FBLN1: variants seen among roughly 807,000 people sequenced by gnomAD.
The protein encoded by FBLN1 is fibulin 1.
In FBLN1, 34 loss-of-function variants were observed where a neutral mutation model predicts 89.7. The observed-to-expected ratio is 0.38, with a 90% CI of 0.29 to 0.50. The LOEUF is 0.50. Among genes scored for constraint, FBLN1 ranks in the 20% least tolerant of loss-of-function variants. FBLN1 has a pLI of 0.92. For missense variants in FBLN1, 777 were observed against 988.1 expected (o/e 0.79, Z 2.86); for synonymous variants, 393 against 391.3 (o/e 1.00, Z -0.05).
chr22:45,534,021 T>C, intron 7 of FBLN1, 123 bp downstream of exon 7: 2 of 1,347,320 alleles, frequency 1.5e-6, no homozygotes, highest in Admixed American at 1.7e-5. Flanking sequence ...CCTGGGCGAC[T>C]GCCTGCTCAT....
In FBLN1 at chr22:45,600,430, C is replaced by T. The variant is rs781722572; in HGVS notation, c.2096C>T (p.Ser699Phe). ...GTTGTCAACGTCCACATCTTCGTCT[C>T]TGAGTACTGGTTCTGAGGGCTGGTC... ...RNVVNVHIFV[S>F]EYWF Residue 699 changes from serine to phenylalanine, a missense_variant, in exon 17 of 17, where the codon TCT (serine) becomes TTT (phenylalanine). Transcript: ENST00000327858. 44 of 1,614,080 alleles carry T rather than the reference C, an allele frequency of 2.7e-5. No homozygotes were observed. Among genetic ancestry groups the T allele is most frequent in the African/African-American group, 4.0e-5 (3 of 74,918 alleles).
At chr22:45,520,236 A>C (rs1160402304) in intron 2 of FBLN1, among the ~76,000 whole-genome samples, 1 of 152,210 alleles carries the variant, frequency 6.6e-6, no homozygotes, top group Non-Finnish European at 1.5e-5. Flanking sequence ...GACTGTGGCA[A>C]CGTATTGGTT....
At chr22:45,569,639 AAAAAAGAAGAAGAAG>A (rs1273132372) in intron 14 of FBLN1, among the ~76,000 whole-genome samples, 1 of 105,196 alleles carries the variant, frequency 9.5e-6, no homozygotes, top group African/African-American at 3.8e-5. Context: ...ACTCTGTCTC[AAAAAAGAAGAAGAAG>A]AAGAAGAAGA....
In FBLN1 at chr22:45,530,371, TC is replaced by T. The variant is rs2088388835; in HGVS notation, c.485-892del. ...TCTCTCCGTCTTTTATCTGCTTCAGTCCTTGCCCCAGACTATCCTCGCATGC... is the reference window on the plus strand; with the variant it reads ...TCTCTCCGTCTTTTATCTGCTTCAGTCTTGCCCCAGACTATCCTCGCATGC... On this transcript the variant is annotated intron_variant, in intron 4 of 16. Transcript: ENST00000327858. The surrounding 1 kb of genome is among the most constrained non-coding windows in gnomAD (Gnocchi z 5.4). Among the ~76,000 whole-genome samples, 1 of 152,030 alleles carries T rather than the reference TC, an allele frequency of 6.6e-6. No individual in the cohort carries two copies. The highest frequency in any genetic ancestry group is 1.5e-5 in the Non-Finnish European group (1 of 68,004).
intron 2 of FBLN1, among the ~76,000 whole-genome samples, chr22:45,524,842 C>A (rs919189354): frequency 5.3e-5 from 8 of 151,974 alleles, no homozygotes; most frequent in Admixed American, 3.3e-4. Context: ...CCCAGCACTT[C>A]GGGAGGCTGA....
rs1242092391 is a variant in FBLN1, at chr22:45,550,386, G to T, written c.1574-106G>T. ...AGTGGAGGGCAGGGATGGCCTGATC[G>T]CCACCCCTAACCCTAGTTGATGGGA... On this transcript the variant is annotated intron_variant, in intron 13 of 16. Coordinates refer to ENST00000327858, the MANE Select transcript of FBLN1 (RefSeq NM_006486.3). The surrounding 1 kb of genome is among the most constrained non-coding windows in gnomAD (Gnocchi z 8.4). 2.6e-6 allele frequency: 4 copies of T among 1,549,444 alleles called. No individual in the cohort carries two copies. In the African/African-American group the frequency reaches 4.1e-5, roughly 16 times the overall value.
At chr22:45,505,467 A>T (rs534443489) in intron 1 of FBLN1, among the ~76,000 whole-genome samples, 38 of 152,334 alleles carry the variant, frequency 2.5e-4, no homozygotes, top group African/African-American at 8.7e-4. Flanking sequence ...CAGCACCCAC[A>T]GCTCTGGCTC....
In FBLN1 at chr22:45,560,578, C is replaced by T. The variant is rs112585121; in HGVS notation, c.1697+9963C>T. Among the ~76,000 whole-genome samples the T allele has an allele frequency of 2.3e-3, 345 of 152,280 alleles. 4 individuals are homozygous for T. Among genetic ancestry groups the T allele is most frequent in the Middle Eastern group, 0.014 (4 of 294 alleles). On this transcript the variant is annotated intron_variant, in intron 14 of 16. Transcript: ENST00000327858. Reference sequence around the variant, plus strand: ...TAAACTATTAGAACCTTTTTTAACTCCCCGAGTTGCAACATTAAATGCAGA... The same window carrying T: ...TAAACTATTAGAACCTTTTTTAACTTCCCGAGTTGCAACATTAAATGCAGA...
Position 45,549,934 on chromosome 22 carries a change from CATT to C in FBLN1, c.1574-557_1574-555del, listed in dbSNP as rs544407242. Reference sequence around the variant, plus strand: ...ATGATCCCTCGAAGGCTGTTTTTCTCATTGTTGTGTGGAGCTAGCAGCTCCTGC... The same window carrying C: ...ATGATCCCTCGAAGGCTGTTTTTCTCGTTGTGTGGAGCTAGCAGCTCCTGC... On this transcript the variant is annotated intron_variant, in intron 13 of 16. Coordinates refer to ENST00000327858, the MANE Select transcript of FBLN1 (RefSeq NM_006486.3). The surrounding 1 kb of genome is among the most constrained non-coding windows in gnomAD (Gnocchi z 5.7). 1.2e-3 allele frequency among the ~76,000 whole-genome samples: 185 copies of C among 152,292 alleles called. 1 individual carries two copies. Among genetic ancestry groups the C allele is most frequent in the African/African-American group, 4.3e-3 (178 of 41,574 alleles).
At chr22:45,520,014 A>G (rs950767730) in intron 2 of FBLN1, among the ~76,000 whole-genome samples, 1 of 152,074 alleles carries the variant, frequency 6.6e-6, no homozygotes, top group Admixed American at 6.5e-5. Context: ...TACTAAAAAT[A>G]TAAAAATTAG....
rs1174167411 is a variant in FBLN1 at position 45,580,765 on chromosome 22, G to A, written c.1972+3657G>A. ...CAGCGCACAGGCCCCGGGGCTCGCC[G>A]TGTTCAGTCCTCCCAGAGTAACAGA... On this transcript the variant is annotated intron_variant, in intron 16 of 16. Coordinates refer to ENST00000327858, the MANE Select transcript of FBLN1 (RefSeq NM_006486.3). This position sits in a 1 kb window ranked among gnomAD's most constrained non-coding sequence, Gnocchi z 8.6. Among the ~76,000 whole-genome samples the A allele has an allele frequency of 1.3e-5, 2 of 152,122 alleles. No individual in the cohort carries two copies. Among genetic ancestry groups the A allele is most frequent in the African/African-American group, 2.4e-5 (1 of 41,432 alleles).
rs969279116 is a variant in FBLN1, at chr22:45,590,609, G to A, written c.1973-9698G>A. On this transcript the variant is annotated intron_variant, in intron 16 of 16. Transcript: ENST00000327858. This position sits in a 1 kb window ranked among gnomAD's most constrained non-coding sequence, Gnocchi z 4.1. ...CATGGGAGGGGTGAAAAGGAAGGTG[G>A]TACACGTGTTCAGGTAGATGCGACG... Among the ~76,000 whole-genome samples the A allele has an allele frequency of 5.3e-5, 8 of 152,196 alleles. No individual in the cohort carries two copies. The highest frequency in any genetic ancestry group is 4.4e-5 in the Non-Finnish European group (3 of 68,036).
intron 16 of FBLN1, among the ~76,000 whole-genome samples, chr22:45,596,632 T>C (rs1044286781): frequency 6.7e-6 from 1 of 148,380 alleles, no homozygotes; most frequent in Non-Finnish European, 1.5e-5. Context: ...CATAATAATA[T>C]AATTATATAC....
chr22:45,599,928 GACAA>G (rs1027601948), intron 16 of FBLN1, among the ~76,000 whole-genome samples: 7 of 152,088 alleles, frequency 4.6e-5, no homozygotes, highest in African/African-American at 1.4e-4. Context: ...AAAAACAAAA[GACAA>G]ACAAAAAACA....
rs781216653 is a variant in FBLN1, at chr22:45,563,169, G to C, written c.1698-11342G>C. On this transcript the variant is annotated intron_variant, in intron 14 of 16. Transcript: ENST00000327858. This position sits in a 1 kb window ranked among gnomAD's most constrained non-coding sequence, Gnocchi z 5.7. ...CTCACCAAGCCTGTCCCCGAGCCCA[G>C]GGACTTGCTCCTGACCGTCAAGATG... 6.2e-7 allele frequency: 1 copy of C among 1,613,724 alleles called. No homozygotes were observed. Among genetic ancestry groups the C allele is most frequent in the Non-Finnish European group, 8.5e-7 (1 of 1,180,024 alleles).
chr22:45,600,699 C>T lies in FBLN1; in HGVS notation c.*253C>T, dbSNP rs1198462276. The T allele has an allele frequency of 6.0e-5, 32 of 532,894 alleles. No individual in the cohort carries two copies. The highest frequency in any genetic ancestry group is 2.0e-5 in the South Asian group (1 of 49,432). 33.0% of individuals were successfully genotyped at this position (532,894 alleles called of 1,614,324 possible). A position where few individuals can be genotyped will look rare whatever the true frequency, so the allele number is the denominator to read the frequency against. On this transcript the variant is annotated 3_prime_UTR_variant, in exon 17 of 17. Coordinates refer to ENST00000327858, the MANE Select transcript of FBLN1 (RefSeq NM_006486.3). ...TTTTTAATGCGAAGGCTAAGTGTCA[C>T]CCCCTTTCTCTGCCTCTGGCTGGGC...
rs2088869924 is a variant in FBLN1 at position 45,563,171 on chromosome 22, G to T, written c.1698-11340G>T. The T allele has an allele frequency of 1.1e-5, 17 of 1,613,732 alleles. No individual in the cohort carries two copies. The highest frequency in any genetic ancestry group is 1.4e-5 in the Non-Finnish European group (17 of 1,180,022). On this transcript the variant is annotated intron_variant, in intron 14 of 16. Coordinates refer to ENST00000327858, the MANE Select transcript of FBLN1 (RefSeq NM_006486.3). The surrounding 1 kb of genome is among the most constrained non-coding windows in gnomAD (Gnocchi z 5.7). ...CACCAAGCCTGTCCCCGAGCCCAGGGACTTGCTCCTGACCGTCAAGATGGA... is the reference window on the plus strand; with the variant it reads ...CACCAAGCCTGTCCCCGAGCCCAGGTACTTGCTCCTGACCGTCAAGATGGA...
chr22:45,552,153 TC>T (rs2088711059), intron 14 of FBLN1, among the ~76,000 whole-genome samples: 1 of 152,180 alleles, frequency 6.6e-6, no homozygotes, highest in Admixed American at 6.5e-5. Context: ...GAGGGCTTTG[TC>T]CCCGCACAGG....
Position 45,550,982 on chromosome 22 carries a change from T to G in FBLN1, c.1697+367T>G, listed in dbSNP as rs1040841486. The stretch of plus-strand genomic sequence containing the variant: ...ATGTCAGAACGTGCTCTGACTGAGA[T>G]GCATAGGTAGCAATGTCTCCATGTC... On this transcript the variant is annotated intron_variant, in intron 14 of 16. Coordinates refer to ENST00000327858, the MANE Select transcript of FBLN1 (RefSeq NM_006486.3). This position sits in a 1 kb window ranked among gnomAD's most constrained non-coding sequence, Gnocchi z 8.4. 2 of 361,324 alleles carry G rather than the reference T, an allele frequency of 5.5e-6. No homozygotes were observed. Among genetic ancestry groups the G allele is most frequent in the Admixed American group, 3.8e-5 (1 of 26,216 alleles). 22.4% of individuals were successfully genotyped at this position (361,324 alleles called of 1,614,324 possible). A position where few individuals can be genotyped will look rare whatever the true frequency, so the allele number is the denominator to read the frequency against.
Sources: allele counts gnomAD v4.1 joint callset (sites outside exome capture counted in the v4.1 genomes callset), GRCh38; gene constraint gnomAD v4.1.1; non-coding constraint Gnocchi (gnomAD v3.1); transcripts MANE v1.5; gene names NCBI Gene and HGNC (gene_info 2026-07-23, HGNC 2026-07-21).